Variants in DPEP1 observed in about 807,000 individuals in gnomAD.
DPEP1 encodes the protein beta-lactamase.
In DPEP1, 50 loss-of-function variants were observed where a neutral mutation model predicts 42.3. The ratio of observed to expected loss-of-function variants is 1.18; its 90% CI spans 0.94 to 1.50. DPEP1 has a LOEUF of 1.50. DPEP1 is among the 40% of genes most tolerant of loss of function. The pLI is 0.00. For missense variants in DPEP1, 663 were observed against 553.0 expected, an observed-to-expected ratio of 1.20 and a Z score of -1.99; for synonymous variants, 297 against 234.0, an observed-to-expected ratio of 1.27 and a Z score of -2.46.
At chr16:89,617,602 C>G (rs1453580152) in intron 1 of DPEP1, among the ~76,000 whole-genome samples, 1 of 151,984 alleles carries the variant, frequency 6.6e-6, no homozygotes, top group South Asian at 2.1e-4. Flanking sequence ...AATCCCAGCA[C>G]TTTGGGAGGC....
chr16:89,631,359 G>T (rs1323439684), intron 2 of DPEP1, among the ~76,000 whole-genome samples: 1 of 152,158 alleles, frequency 6.6e-6, no homozygotes, highest in Non-Finnish European at 1.5e-5. Context: ...CCAGTGCCCC[G>T]ACACTGGGTC....
rs554148242 is a variant in DPEP1 at position 89,617,398 on chromosome 16, A to C, written c.-107+3679A>C. Among the ~76,000 whole-genome samples, 139 of 152,256 alleles carry C rather than the reference A, an allele frequency of 9.1e-4. 1 individual carries two copies. Among genetic ancestry groups the C allele is most frequent in the African/African-American group, 3.0e-3 (126 of 41,544 alleles). On this transcript the variant is annotated intron_variant, in intron 1 of 10. Coordinates refer to ENST00000690203, the MANE Select transcript of DPEP1 (RefSeq NM_001389466.1). ...CCTCAGCACGGTGCCTGCATGGAAGAATTGCTCAGCTAACATGAGCTCTGA... is the reference window on the plus strand; with the variant it reads ...CCTCAGCACGGTGCCTGCATGGAAGCATTGCTCAGCTAACATGAGCTCTGA...
At position 89,625,408 on chromosome 16, in the gene DPEP1, G is replaced by A. The variant is rs543155351; in HGVS notation, c.-106-4897G>A. 2.3e-3 allele frequency among the ~76,000 whole-genome samples: 349 copies of A among 152,302 alleles called. 3 individuals are homozygous for A. Among genetic ancestry groups the A allele is most frequent in the Middle Eastern group, 0.014 (4 of 294 alleles). ...CTCATTACCTCCAGAACTGCACCAA[G>A]CCATTGATGAGGGGCCCGTCCCCAT... On this transcript the variant is annotated intron_variant, in intron 1 of 10. Transcript: ENST00000690203.
intron 2 of DPEP1, among the ~76,000 whole-genome samples, chr16:89,633,389 G>A (rs1389589424): frequency 1.3e-5 from 2 of 152,262 alleles, no homozygotes; most frequent in African/African-American, 4.8e-5. Context: ...GCCGGAAAGC[G>A]TGCCAGGCTG....
rs1041224331 is a variant in DPEP1, at chr16:89,638,204, C to A, written c.1218C>A (p.Leu406=). Residue 406 remains leucine (L), a synonymous_variant, in exon 11 of 11, where the codon CTC becomes CTA. Transcript: ENST00000690203. The part of the protein sequence containing the change: ...LLLASLAPLV[L]CLSLL ...TGGCCTCCCTCGCTCCCCTGGTCCTCTGTCTGTCTCTCCTGTGAAACCTGG... is the reference window on the plus strand; with the variant it reads ...TGGCCTCCCTCGCTCCCCTGGTCCTATGTCTGTCTCTCCTGTGAAACCTGG... 1 of 1,575,336 alleles carries A rather than the reference C, an allele frequency of 6.3e-7. No homozygotes were observed.
Position 89,637,289 on chromosome 16 carries a change from T to C in DPEP1, c.677T>C (p.Leu226Pro). Residue 226 changes from leucine to proline, a missense_variant, in exon 7 of 11, where the codon CTG (leucine) becomes CCG (proline). Transcript: ENST00000690203. ...GCCACCATGAAGGCCACCCTGCAGC[T>C]GTCCAGAGCCCCGGTCATCTTCAGC... ...SVATMKATLQ[L>P]SRAPVIFSHS... is the part of the protein sequence containing the mutation. The C allele has an allele frequency of 6.2e-7, 1 of 1,612,706 alleles. No individual in the cohort carries two copies. Among genetic ancestry groups the C allele is most frequent in the Non-Finnish European group, 8.5e-7 (1 of 1,179,962 alleles).
intron 2 of DPEP1, among the ~76,000 whole-genome samples, chr16:89,631,229 A>C (rs908988754): frequency 5.3e-5 from 8 of 151,370 alleles, no homozygotes; most frequent in African/African-American, 1.5e-4. Flanking sequence ...CTGTGTGCCC[A>C]CCCGGCCCCC....
Position 89,638,235 on chromosome 16 carries a change from C to A in DPEP1, c.*13C>A. 6.5e-7 allele frequency: 1 copy of A among 1,537,974 alleles called. No homozygotes were observed. Among genetic ancestry groups the A allele is most frequent in the Non-Finnish European group, 8.8e-7 (1 of 1,142,788 alleles). ...GTCTCTCCTGTGAAACCTGGGAGAC[C>A]AGAGTCCCCTTTAGGGTTCCCGGAG... On this transcript the variant is annotated 3_prime_UTR_variant, in exon 11 of 11. Transcript: ENST00000690203.
chr16:89,636,099 G>T, intron 3 of DPEP1, 59 bp downstream of exon 3: 1 of 1,563,190 alleles, frequency 6.4e-7, no homozygotes. Flanking sequence ...TCCTACCTCA[G>T]GCCTGGCTAC....
intron 1 of DPEP1, among the ~76,000 whole-genome samples, chr16:89,618,725 T>C (rs953236739): frequency 5.3e-5 from 8 of 152,104 alleles, no homozygotes; most frequent in Non-Finnish European, 1.0e-4. Flanking sequence ...CTCAGACTCC[T>C]GAGCTTAAGT....
intron 1 of DPEP1, chr16:89,616,816 CCAGGAAGTGGCCAGGAAGCGGA>C (rs1010474248): frequency 1.3e-4 from 31 of 246,592 alleles, no homozygotes; most frequent in African/African-American, 3.6e-4. Context: ...CAGAAAGCGG[CCAGGAAGTGGCCAGGAAGCGGA>C]CAGGAAGTGG....
chr16:89,638,754 A>C (rs1328217371), downstream of DPEP1, among the ~76,000 whole-genome samples: 33 of 44,910 alleles, frequency 7.3e-4, no homozygotes, highest in African/African-American at 9.7e-4. Context: ...ACACACACAC[A>C]CCCCATCCCT....
chr16:89,623,466 G>A (rs1454723685), intron 1 of DPEP1, among the ~76,000 whole-genome samples: 2 of 152,300 alleles, frequency 1.3e-5, no homozygotes, highest in East Asian at 3.9e-4. Flanking sequence ...ATTGCCCGCT[G>A]CCAAGGGAAG....
chr16:89,635,829 G>T (rs769952693), intron 2 of DPEP1, 79 bp from the exon 3 acceptor site: 10 of 1,494,304 alleles, frequency 6.7e-6, no homozygotes, highest in Non-Finnish European at 7.1e-6. Flanking sequence ...GGGGAGAGCA[G>T]CCCAGAGGCC....
At chr16:89,627,715 C>CA (rs1206206336) in intron 1 of DPEP1, among the ~76,000 whole-genome samples, 2 of 119,094 alleles carry the variant, frequency 1.7e-5, no homozygotes, top group East Asian at 5.5e-4. Context: ...GGCTGGAGTA[C>CA]AGTGTTGCAA....
Position 89,619,997 on chromosome 16 carries a change from C to T in DPEP1, c.-107+6278C>T, listed in dbSNP as rs574240292. Among the ~76,000 whole-genome samples the T allele has an allele frequency of 9.4e-4, 138 of 146,284 alleles. 1 individual carries two copies. The highest frequency in any genetic ancestry group is 3.5e-3 in the African/African-American group (136 of 39,290). On this transcript the variant is annotated intron_variant, in intron 1 of 10. Transcript: ENST00000690203. ...GGTCCGGGATAGGCCTGGCCTCCCCCCGCCTGCTTGAACCCACTGAGTATG... is the reference window on the plus strand; with the variant it reads ...GGTCCGGGATAGGCCTGGCCTCCCCTCGCCTGCTTGAACCCACTGAGTATG...
intron 1 of DPEP1, among the ~76,000 whole-genome samples, chr16:89,627,312 G>A (rs1031210000): frequency 4.0e-5 from 6 of 149,582 alleles, no homozygotes; most frequent in East Asian, 2.0e-4. Context: ...ATCAGGCATG[G>A]TGGCTCACAC....
In DPEP1 at chr16:89,613,655, G is replaced by A. The variant is rs1253140225; in HGVS notation, c.-171G>A. ...CCGGGTAGGGCCAGCCCAGCTGTGA[G>A]CCTGGCGTGGGAGCTGCCTAGGCCG... On this transcript the variant is annotated 5_prime_UTR_variant, in exon 1 of 11. Coordinates refer to ENST00000690203, the MANE Select transcript of DPEP1 (RefSeq NM_001389466.1). 14 of 152,548 alleles carry A rather than the reference G, an allele frequency of 9.2e-5. No individual in the cohort carries two copies. Among genetic ancestry groups the A allele is most frequent in the Admixed American group, 9.2e-4 (14 of 15,296 alleles). 9.4% of individuals were successfully genotyped at this position (152,548 alleles called of 1,614,324 possible).
intron 1 of DPEP1, among the ~76,000 whole-genome samples, chr16:89,622,992 G>A (rs116258399): frequency 2.6e-5 from 4 of 152,204 alleles, no homozygotes; most frequent in South Asian, 2.1e-4. Flanking sequence ...ACGATGGGCC[G>A]GGAGTGAGGA....
Sources: gnomAD v4.1 joint callset for allele counts (sites outside exome capture counted in the v4.1 genomes callset) on GRCh38, gnomAD v4.1.1 for gene constraint, MANE v1.5 for transcripts, NCBI Gene and HGNC (gene_info 2026-07-23, HGNC 2026-07-21) for gene names.